The following DACH2 variants were observed in gnomAD, a reference collection of about 807,000 sequenced individuals.
The protein encoded by DACH2 is dachshund homolog 2.
A neutral mutation model predicts 35.8 loss-of-function variants in DACH2; 17 were observed. The observed-to-expected ratio is 0.48, with a 90% CI of 0.33 to 0.71. The LOEUF is 0.71. Ranked by LOEUF, DACH2 falls within the 30% of genes least tolerant of loss-of-function variation. The probability of loss-of-function intolerance (pLI) is 0.02; values close to 1 mark genes in which losing one functional copy is unlikely to be tolerated. For synonymous variants in DACH2, 195 were observed against 177.3 expected (o/e 1.10, Z -0.79); for missense variants, 469 against 472.7 (o/e 0.99, Z 0.07).
At chrX:86,831,406 A>C (rs935959601) in intron 11 of DACH2, 1 of 111,736 alleles carries the variant, frequency 8.9e-6, no homozygotes, top group African/African-American at 3.2e-5. Flanking sequence ...TGTAACCAAA[A>C]GCCAATCTTT....
intron 1 of DACH2, among the ~76,000 whole-genome samples, chrX:86,372,508 C>A (rs1307509985): frequency 9.1e-6 from 1 of 110,305 alleles, no homozygotes; most frequent in Non-Finnish European, 1.9e-5. Flanking sequence ...GGTATAAGGT[C>A]ATAAGAAATT....
At chrX:86,286,221 G>A (rs1051636762) in intron 1 of DACH2, among the ~76,000 whole-genome samples, 8 of 89,793 alleles carry the variant, frequency 8.9e-5, no homozygotes, top group East Asian at 3.8e-4. Context: ...TCCGCTTCCC[G>A]GGTTCACGCC....
intron 1 of DACH2, among the ~76,000 whole-genome samples, chrX:86,287,638 A>C (rs942814282): frequency 9.0e-6 from 1 of 111,614 alleles, no homozygotes; most frequent in Non-Finnish European, 1.9e-5. Flanking sequence ...CAAGCTCATG[A>C]ATTTATTCTT....
chrX:86,497,210 G>A (rs775074426), intron 2 of DACH2, among the ~76,000 whole-genome samples: 1 of 111,765 alleles, frequency 8.9e-6, no homozygotes, highest in East Asian at 2.8e-4. Flanking sequence ...GTGGCTCTCA[G>A]AGTATGAGAG....
At chrX:86,321,048 C>A (rs1386099600) in intron 1 of DACH2, among the ~76,000 whole-genome samples, 1 of 111,701 alleles carries the variant, frequency 9.0e-6, no homozygotes, top group South Asian at 3.7e-4. Context: ...TTAATCTTCT[C>A]CTCACCTGGT....
chrX:86,194,630 C>A (rs754995012), intron 1 of DACH2, among the ~76,000 whole-genome samples: 2 of 112,559 alleles, frequency 1.8e-5, no homozygotes, highest in Non-Finnish European at 3.8e-5. Context: ...GGAATCCTGG[C>A]AGAAGGAGAC....
intron 6 of DACH2, among the ~76,000 whole-genome samples, chrX:86,729,830 T>C (rs1460319137): frequency 9.0e-6 from 1 of 111,432 alleles, no homozygotes; most frequent in Non-Finnish European, 1.9e-5. Context: ...TCAACTTCCA[T>C]GAGTAAATGC....
Position 86,362,446 on chromosome X carries a change from A to G in DACH2, c.489-14378A>G, listed in dbSNP as rs2035752104. Among the ~76,000 whole-genome samples the G allele has an allele frequency of 3.6e-5, 4 of 111,722 alleles. No individual in the cohort carries two copies. In the South Asian group the frequency reaches 1.5e-3, roughly 41 times the overall value. ...GAGGTGATTAGCTTTAGCCAAAACC[A>G]TTGAAAGAAATCAAAACAAATTTAA... On this transcript the variant is annotated intron_variant, in intron 1 of 11. Coordinates refer to ENST00000373125, the MANE Select transcript of DACH2 (RefSeq NM_053281.3).
chrX:86,754,085 C>T (rs1311877883), intron 7 of DACH2, among the ~76,000 whole-genome samples: 1 of 111,453 alleles, frequency 9.0e-6, no homozygotes, highest in Non-Finnish European at 1.9e-5. Context: ...GGAATTAAAA[C>T]ATGGAATTAA....
chrX:86,719,328 C>T (rs1368621851), intron 6 of DACH2, among the ~76,000 whole-genome samples: 1 of 112,073 alleles, frequency 8.9e-6, no homozygotes, highest in Non-Finnish European at 1.9e-5. Flanking sequence ...TCAAACTTTA[C>T]TAAACTAATT....
At chrX:86,176,924 C>A (rs1259504826) in intron 1 of DACH2, among the ~76,000 whole-genome samples, 1 of 111,554 alleles carries the variant, frequency 9.0e-6, no homozygotes, top group Non-Finnish European at 1.9e-5. Flanking sequence ...GTCATATATT[C>A]AGGAAGAGTA....
intron 2 of DACH2, among the ~76,000 whole-genome samples, chrX:86,509,302 A>G (rs867030317): frequency 8.9e-6 from 1 of 112,156 alleles, no homozygotes; most frequent in Non-Finnish European, 1.9e-5. Context: ...TTAAGTTCCC[A>G]TGAACCAAGA....
At chrX:86,707,854 G>A (rs2041233859) in intron 5 of DACH2, among the ~76,000 whole-genome samples, 1 of 92,035 alleles carries the variant, frequency 1.1e-5, no homozygotes, top group Non-Finnish European at 2.1e-5. Context: ...GGTGGAGGTT[G>A]CAGTGAGCCG....
intron 7 of DACH2, among the ~76,000 whole-genome samples, chrX:86,762,358 A>C (rs1051745760): frequency 1.8e-5 from 2 of 111,494 alleles, no homozygotes; most frequent in African/African-American, 6.5e-5. Context: ...TTTTCAAATA[A>C]TTAGAGCTTT....
intron 7 of DACH2, among the ~76,000 whole-genome samples, chrX:86,748,984 C>T (rs906495687): frequency 2.7e-5 from 3 of 111,999 alleles, no homozygotes; most frequent in Admixed American, 9.5e-5. Flanking sequence ...GAGATTGTTC[C>T]TTTACTTAAA....
chrX:86,606,997 T>G (rs1217326357), intron 3 of DACH2, among the ~76,000 whole-genome samples: 2 of 111,994 alleles, frequency 1.8e-5, no homozygotes, highest in Non-Finnish European at 3.8e-5. Flanking sequence ...CTATTTAGTG[T>G]GATATAAGTA....
intron 1 of DACH2, among the ~76,000 whole-genome samples, chrX:86,209,475 C>A (rs1207034871): frequency 9.0e-6 from 1 of 111,574 alleles, no homozygotes; most frequent in Non-Finnish European, 1.9e-5. Flanking sequence ...TTAAGTGAAG[C>A]CAGAAATGAC....
intron 1 of DACH2, among the ~76,000 whole-genome samples, chrX:86,368,657 G>A (rs1602447626): frequency 9.3e-6 from 1 of 107,627 alleles, no homozygotes; most frequent in South Asian, 4.1e-4. Context: ...GAAATACCTG[G>A]GCTCAAGCGA....
At chrX:86,676,369 T>C (rs1384274666) in intron 4 of DACH2, among the ~76,000 whole-genome samples, 1 of 111,897 alleles carries the variant, frequency 8.9e-6, no homozygotes, top group Non-Finnish European at 1.9e-5. Context: ...ATTGAAGGAA[T>C]TCTGAATCCC....
Sources: allele counts gnomAD v4.1 joint callset (sites outside exome capture counted in the v4.1 genomes callset), GRCh38; gene constraint gnomAD v4.1.1; transcripts MANE v1.5; gene names NCBI Gene and HGNC (gene_info 2026-07-23, HGNC 2026-07-21).